The following ZMAT3 variants were observed in gnomAD, a reference collection of about 807,000 sequenced individuals.
ZMAT3 encodes the protein zinc finger matrin-type protein 3.
In ZMAT3, 17 loss-of-function variants were observed where a neutral mutation model predicts 32.3. That is an observed-to-expected ratio of 0.53 (90% CI 0.36 to 0.79). ZMAT3 has a LOEUF of 0.79. Among genes scored for constraint, ZMAT3 ranks in the 30% least tolerant of loss-of-function variants. ZMAT3 has a pLI of 0.00. For synonymous variants in ZMAT3, 120 were observed against 133.1 expected (o/e 0.90, Z 0.68); for missense variants, 329 against 359.7 (o/e 0.91, Z 0.69).
At chr3:179,057,778 T>C (rs1402892813) in intron 2 of ZMAT3, among the ~76,000 whole-genome samples, 2 of 152,200 alleles carry the variant, frequency 1.3e-5, no homozygotes, top group Non-Finnish European at 1.5e-5. Context: ...AAGCAACTAA[T>C]AGGGTTCCTT....
rs1718397123 is a variant in ZMAT3 at position 179,018,754 on chromosome 3, A to G, written c.*6263T>C. 1 of 152,192 alleles carries G rather than the reference A, an allele frequency of 6.6e-6. No individual in the cohort carries two copies. The highest frequency in any genetic ancestry group is 1.5e-5 in the Non-Finnish European group (1 of 68,028). The allele number at this position is 152,192 out of a possible 1,614,324, so 9.4% of individuals were successfully genotyped here. ...GCTAAAGATGGTTACTAAGGCTTACAATTTCAACAACTCATTGTACAGTAC... is the reference window on the plus strand; with the variant it reads ...GCTAAAGATGGTTACTAAGGCTTACGATTTCAACAACTCATTGTACAGTAC... On this transcript the variant is annotated 3_prime_UTR_variant, in exon 6 of 6. Transcript: ENST00000311417.
Position 179,053,012 on chromosome 3 carries a change from C to A in ZMAT3, c.270+14471G>T, listed in dbSNP as rs543426929. ...GCACAGTGGCGGGCATCTGTAATCC[C>A]AGCTACTCAGGAGGCTAAGGCAGGA... On this transcript the variant is annotated intron_variant, in intron 2 of 5. Transcript: ENST00000311417. Among the ~76,000 whole-genome samples, 382 of 152,038 alleles carry A rather than the reference C, an allele frequency of 2.5e-3. 1 individual carries two copies. The highest frequency in any genetic ancestry group is 8.8e-3 in the African/African-American group (367 of 41,474).
intron 2 of ZMAT3, among the ~76,000 whole-genome samples, chr3:179,056,804 C>A (rs1239641286): frequency 6.6e-6 from 1 of 152,188 alleles, no homozygotes; most frequent in African/African-American, 2.4e-5. Context: ...ATACTTCTCC[C>A]AGCCACTAAG....
rs1718717760 is a variant in ZMAT3 at position 179,024,120 on chromosome 3, A to G, written c.*897T>C. The G allele has an allele frequency of 6.6e-6, 1 of 152,116 alleles. No homozygotes were observed. The highest frequency in any genetic ancestry group is 1.5e-5 in the Non-Finnish European group (1 of 68,048). The allele number at this position is 152,116 out of a possible 1,614,324, so 9.4% of individuals were successfully genotyped here. ...TGGGGCATGAAAATGGGCTTGTTAGACAAGCTGATTCAACTAGGGGGGAAA... is the reference window on the plus strand; with the variant it reads ...TGGGGCATGAAAATGGGCTTGTTAGGCAAGCTGATTCAACTAGGGGGGAAA... On this transcript the variant is annotated 3_prime_UTR_variant, in exon 6 of 6. Coordinates refer to ENST00000311417, the MANE Select transcript of ZMAT3 (RefSeq NM_022470.4).
At chr3:179,051,294 A>C (rs1282044446) in intron 2 of ZMAT3, among the ~76,000 whole-genome samples, 2 of 152,236 alleles carry the variant, frequency 1.3e-5, no homozygotes, top group East Asian at 3.8e-4. Flanking sequence ...GCAAAGTTTT[A>C]GGATACAAAA....
intron 2 of ZMAT3, among the ~76,000 whole-genome samples, chr3:179,066,480 G>C (rs1437114966): frequency 6.6e-6 from 1 of 152,124 alleles, no homozygotes; most frequent in African/African-American, 2.4e-5. Context: ...AAACAGAAAA[G>C]ACTTAACACC....
chr3:179,021,909 T>C lies in ZMAT3; in HGVS notation c.*3108A>G, dbSNP rs1484768022. Reference sequence around the variant, plus strand: ...AACAAGCTCAAAACATAACCTACTGTCATAGAGATTTGTGATTTTTTTTCA... The same window carrying C: ...AACAAGCTCAAAACATAACCTACTGCCATAGAGATTTGTGATTTTTTTTCA... On this transcript the variant is annotated 3_prime_UTR_variant, in exon 6 of 6. Coordinates refer to ENST00000311417, the MANE Select transcript of ZMAT3 (RefSeq NM_022470.4). 1 of 152,186 alleles carries C rather than the reference T, an allele frequency of 6.6e-6. No individual in the cohort carries two copies. Among genetic ancestry groups the C allele is most frequent in the Admixed American group, 6.5e-5 (1 of 15,284 alleles). The allele number at this position is 152,186 out of a possible 1,614,324, so 9.4% of individuals were successfully genotyped here.
At chr3:179,068,280 G>A (rs1042991976) in intron 1 of ZMAT3, among the ~76,000 whole-genome samples, 1 of 152,176 alleles carries the variant, frequency 6.6e-6, no homozygotes, top group African/African-American at 2.4e-5. Flanking sequence ...GCCAAGGTGG[G>A]CAGATCACCT....
chr3:179,031,187 C>G (rs1335215114), intron 2 of ZMAT3, among the ~76,000 whole-genome samples, 188 bp from the exon 3 acceptor site: 1 of 151,084 alleles, frequency 6.6e-6, no homozygotes, highest in African/African-American at 2.4e-5. Context: ...TGTTGTTATT[C>G]TCTTACTAGC....
rs1202690827 is a variant in ZMAT3 at position 179,046,298 on chromosome 3, T to C, written c.271-15299A>G. On this transcript the variant is annotated intron_variant, in intron 2 of 5. Transcript: ENST00000311417. The surrounding 1 kb of genome is among the most constrained non-coding windows in gnomAD (Gnocchi z 4.3). The stretch of plus-strand genomic sequence containing the variant: ...ATTTCCAAAGCAGCATCCCCAGTAG[T>C]ATTCAAGCAGATATTGCATCCACAA... Among the ~76,000 whole-genome samples, 1 of 152,122 alleles carries C rather than the reference T, an allele frequency of 6.6e-6. No homozygotes were observed. The highest frequency in any genetic ancestry group is 1.5e-5 in the Non-Finnish European group (1 of 68,014).
chr3:179,023,696 C>CTATATATATATA lies in ZMAT3; in HGVS notation c.*1309_*1320dup, dbSNP rs1177829489. 1.8e-4 allele frequency: 5 copies of CTATATATATATA among 27,388 alleles called. No individual in the cohort carries two copies. Among genetic ancestry groups the CTATATATATATA allele is most frequent in the African/African-American group, 8.4e-4 (5 of 5,986 alleles). 1.7% of individuals were successfully genotyped at this position (27,388 alleles called of 1,614,324 possible). A position where few individuals can be genotyped will look rare whatever the true frequency, so the allele number is the denominator to read the frequency against. On this transcript the variant is annotated 3_prime_UTR_variant, in exon 6 of 6. Transcript: ENST00000311417. ...TCCTAAAAACTGCTGGAAAATATAT[C>CTATATATATATA]TATATATATATATATTTTTTTTTTT...
At position 179,017,355 on chromosome 3, in the gene ZMAT3, G is replaced by C. The variant is rs1718327190; in HGVS notation, c.*7662C>G. ...CCAAAATGAGCCATCAACAAAAGCA[G>C]TATAAATTTTAAATAAGTTTCAGAT... On this transcript the variant is annotated 3_prime_UTR_variant, in exon 6 of 6. Transcript: ENST00000311417. The C allele has an allele frequency of 6.6e-6, 1 of 152,120 alleles. No homozygotes were observed. The highest frequency in any genetic ancestry group is 2.4e-5 in the African/African-American group (1 of 41,414). 9.4% of individuals were successfully genotyped at this position (152,120 alleles called of 1,614,324 possible). A position where few individuals can be genotyped will look rare whatever the true frequency, so the allele number is the denominator to read the frequency against.
chr3:179,048,044 G>A (rs550752309), intron 2 of ZMAT3, among the ~76,000 whole-genome samples: 6 of 152,160 alleles, frequency 3.9e-5, no homozygotes, highest in East Asian at 3.9e-4. Flanking sequence ...CAATAGAGTC[G>A]GACAAGTAGA....
intron 2 of ZMAT3, among the ~76,000 whole-genome samples, chr3:179,059,350 C>T (rs1006571061): frequency 1.3e-5 from 2 of 152,120 alleles, no homozygotes; most frequent in African/African-American, 4.8e-5. Context: ...CTTTTGCCTG[C>T]AGCTAACCAA....
chr3:179,019,530 T>C lies in ZMAT3; in HGVS notation c.*5487A>G, dbSNP rs774492546. 6.6e-6 allele frequency: 1 copy of C among 152,162 alleles called. No individual in the cohort carries two copies. Among genetic ancestry groups the C allele is most frequent in the Non-Finnish European group, 1.5e-5 (1 of 68,000 alleles). 9.4% of individuals were successfully genotyped at this position (152,162 alleles called of 1,614,324 possible). On this transcript the variant is annotated 3_prime_UTR_variant, in exon 6 of 6. Transcript: ENST00000311417. The stretch of plus-strand genomic sequence containing the variant: ...ATAGTCAAATGTTGATGGCAGAATC[T>C]AGCAGTGGTTATACTGCAAAGTTTT...
chr3:179,031,099 A>T, intron 2 of ZMAT3, 100 bp from the exon 3 acceptor site: 2 of 1,032,606 alleles, frequency 1.9e-6, no homozygotes, highest in Non-Finnish European at 2.7e-6. Context: ...ATATTAAGAT[A>T]TTTTGAGAGA....
intron 2 of ZMAT3, among the ~76,000 whole-genome samples, chr3:179,056,341 C>A (rs1037469304): frequency 6.6e-6 from 1 of 151,896 alleles, no homozygotes; most frequent in Admixed American, 6.6e-5. Flanking sequence ...AGGGGGGGTC[C>A]ACTACTTTAG....
intron 3 of ZMAT3, 148 bp downstream of exon 3, chr3:179,030,732 G>T: frequency 8.2e-7 from 1 of 1,225,246 alleles, no homozygotes; most frequent in Non-Finnish European, 1.1e-6. Context: ...TGTAGTTCAA[G>T]GAGTTAAAAG....
At chr3:179,059,437 T>G (rs1400034215) in intron 2 of ZMAT3, among the ~76,000 whole-genome samples, 2 of 152,198 alleles carry the variant, frequency 1.3e-5, no homozygotes, top group Admixed American at 6.5e-5. Context: ...AAAGCATTAT[T>G]TACTGGACCA....
Sources: gnomAD v4.1 joint callset for allele counts (sites outside exome capture counted in the v4.1 genomes callset) on GRCh38, gnomAD v4.1.1 for gene constraint, Gnocchi (gnomAD v3.1) non-coding constraint, MANE v1.5 for transcripts, NCBI Gene and HGNC (gene_info 2026-07-23, HGNC 2026-07-21) for gene names.